ARSD: variants seen among roughly 807,000 people sequenced by gnomAD.
ARSD encodes the protein testis tissue sperm-binding protein Li 39a.
ARSD carries 21 observed loss-of-function variants against 32.6 expected under a neutral mutation model. The ratio of observed to expected loss-of-function variants is 0.64; its 90% CI spans 0.46 to 0.93. The LOEUF (loss-of-function observed/expected upper bound fraction) is 0.93. Among genes scored for constraint, ARSD ranks in the 40% least tolerant of loss-of-function variants. ARSD has a pLI of 0.00. For synonymous variants in ARSD, 224 were observed against 237.4 expected, an observed-to-expected ratio of 0.94 and a Z score of 0.52; for missense variants, 454 against 520.9, an observed-to-expected ratio of 0.87 and a Z score of 1.25.
chrX:2,929,151 G>T (rs1253675515), intron 1 of ARSD, 81 bp downstream of exon 1: 2 of 901,423 alleles, frequency 2.2e-6, no homozygotes, highest in Non-Finnish European at 2.8e-6. Context: ...CGCCCGGGGC[G>T]CCCCTCGCCG....
Position 2,910,739 on chromosome X carries a change from T to C in ARSD, c.1055A>G (p.Tyr352Cys), listed in dbSNP as rs2088894605. The change falls in exon 7 of 10, where the codon TAT becomes TGT. Residue 352 changes from tyrosine (Y) to cysteine (C), a missense_variant. Tyr to Cys is a radical substitution (Grantham distance 194). Coordinates refer to ENST00000381154, the MANE Select transcript of ARSD (RefSeq NM_001669.4). ...DNGLKNSTFT[Y>C]FTSDHGGHLE... ...ATGTCCTCCATGGTCAGAGGTGAAATACGTGAATGTTGAGTTCTTTAAACC... is the reference window on the plus strand; with the variant it reads ...ATGTCCTCCATGGTCAGAGGTGAAACACGTGAATGTTGAGTTCTTTAAACC... The C allele has an allele frequency of 8.3e-7, 1 of 1,210,071 alleles. No homozygotes were observed. The highest frequency in any genetic ancestry group is 1.1e-6 in the Non-Finnish European group (1 of 895,117).
intron 9 of ARSD, chrX:2,908,004 A>T: frequency 1.3e-6 from 1 of 775,864 alleles, no homozygotes; most frequent in South Asian, 6.7e-5. Flanking sequence ...AACAACCATG[A>T]TATTTTAAAC....
chrX:2,918,555 C>A (rs1043533456), intron 4 of ARSD, among the ~76,000 whole-genome samples: 4 of 110,529 alleles, frequency 3.6e-5, no homozygotes, highest in Non-Finnish European at 7.6e-5. Flanking sequence ...TCGAGACCAT[C>A]CTGGCTAACA....
At chrX:2,914,386 C>T (rs1369230265) in intron 6 of ARSD, 2 of 479,239 alleles carry the variant, frequency 4.2e-6, no homozygotes, top group Non-Finnish European at 5.4e-6. Flanking sequence ...GTGCACACCA[C>T]CATGGCTAAT....
chrX:2,920,379 T>TA, intron 4 of ARSD: 1 of 379,679 alleles, frequency 2.6e-6, no homozygotes, highest in Non-Finnish European at 4.5e-6. Context: ...TTTTTTTTTT[T>TA]TTATTCTTTG....
In ARSD at chrX:2,927,129, G is replaced by A. The variant is rs756719383; in HGVS notation, c.45-1364C>T. 6.1e-4 allele frequency among the ~76,000 whole-genome samples: 68 copies of A among 111,210 alleles called. 1 individual carries two copies. In the Admixed American group the frequency reaches 6.3e-3, roughly 10 times the overall value. On this transcript the variant is annotated intron_variant, in intron 1 of 9. Coordinates refer to ENST00000381154, the MANE Select transcript of ARSD (RefSeq NM_001669.4). ...GACGGGGCGTGTCTTGGAGGGTGGC[G>A]AGAGGCACGGCAGTGCTGCTGAGGC...
At chrX:2,909,028 A>G (rs2088879110) in intron 8 of ARSD, among the ~76,000 whole-genome samples, 186 bp from the exon 9 acceptor site, 1 of 110,824 alleles carries the variant, frequency 9.0e-6, no homozygotes. Flanking sequence ...TTCAAGACAC[A>G]GTGTCTCTAA....
rs942317260 is a variant in ARSD, at chrX:2,906,703, A to G, written c.*568T>C. The G allele has an allele frequency of 1.8e-5, 2 of 112,714 alleles. No individual in the cohort carries two copies. The highest frequency in any genetic ancestry group is 6.5e-5 in the African/African-American group (2 of 30,836). The allele number at this position is 112,714 out of a possible 1,213,427, so 9.3% of individuals were successfully genotyped here. A position where few individuals can be genotyped will look rare whatever the true frequency, so the allele number is the denominator to read the frequency against. On this transcript the variant is annotated 3_prime_UTR_variant, in exon 10 of 10. Transcript: ENST00000381154. ...GATGAAATTGCAACAATGCTTTAAG[A>G]CGGAGGGGTGAAAACATCGGGCATT... is the stretch of plus-strand genomic sequence containing the variant.
chrX:2,929,109 A>T, intron 1 of ARSD, 123 bp downstream of exon 1: 3 of 668,520 alleles, frequency 4.5e-6, no homozygotes, highest in Non-Finnish European at 5.9e-6. Context: ...AAGGCGCCGG[A>T]CACAACCACG....
chrX:2,925,054 G>C (rs184070035), intron 2 of ARSD, among the ~76,000 whole-genome samples: 4 of 112,574 alleles, frequency 3.6e-5, no homozygotes, highest in Admixed American at 2.8e-4. Flanking sequence ...CTGAAGTACC[G>C]GCGGTTAGGG....
intron 2 of ARSD, among the ~76,000 whole-genome samples, chrX:2,923,676 C>G (rs2089053631): frequency 9.0e-6 from 1 of 110,874 alleles, no homozygotes; most frequent in Non-Finnish European, 1.9e-5. Flanking sequence ...TTATAAGGAC[C>G]CCAGTCCTAT....
intron 1 of ARSD, among the ~76,000 whole-genome samples, chrX:2,928,096 G>A (rs1334035151): frequency 9.0e-6 from 1 of 110,965 alleles, no homozygotes; most frequent in Non-Finnish European, 1.9e-5. Context: ...TGGACAACTT[G>A]CAGTCACGAC....
chrX:2,919,471 G>T (rs1325829764), intron 4 of ARSD, among the ~76,000 whole-genome samples: 1 of 108,524 alleles, frequency 9.2e-6, no homozygotes, highest in African/African-American at 3.4e-5. Context: ...GTGCTTGGCG[G>T]CATAAACCAA....
intron 7 of ARSD, 61 bp from the exon 8 acceptor site, chrX:2,910,040 G>T: frequency 8.5e-7 from 1 of 1,181,802 alleles, no homozygotes; most frequent in South Asian, 1.9e-5. Context: ...ACACACATCT[G>T]GATGTATTTG....
At chrX:2,909,637 T>C (rs1324599655) in intron 8 of ARSD, among the ~76,000 whole-genome samples, 180 bp downstream of exon 8, 1 of 88,429 alleles carries the variant, frequency 1.1e-5, no homozygotes, top group Admixed American at 1.4e-4. Context: ...TGAGCCGAGA[T>C]CATGCCATTG....
chrX:2,924,421 G>T (rs1215914225), intron 2 of ARSD, among the ~76,000 whole-genome samples: 1 of 113,774 alleles, frequency 8.8e-6, no homozygotes, highest in Non-Finnish European at 1.9e-5. Flanking sequence ...GAGGTTGGCA[G>T]CTATTGAAAA....
chrX:2,920,463 C>T (rs1377404936), intron 4 of ARSD, 138 bp downstream of exon 4: 11 of 922,976 alleles, frequency 1.2e-5, no homozygotes, highest in South Asian at 6.6e-5. Context: ...CTCCGCTTCC[C>T]GGGTTCAAGC....
intron 4 of ARSD, chrX:2,920,366 C>CTTT (rs1259982212): frequency 1.9e-5 from 6 of 320,576 alleles, no homozygotes; most frequent in African/African-American, 5.8e-5. Flanking sequence ...AAAACGGGAT[C>CTTT]TTTTTTTTTT....
intron 6 of ARSD, chrX:2,913,518 C>T (rs764301993): frequency 9.3e-6 from 9 of 970,082 alleles, no homozygotes; most frequent in Middle Eastern, 3.2e-4. Flanking sequence ...GAACCAATCC[C>T]GCCCTATCAC....
Sources: allele counts gnomAD v4.1 joint callset (sites outside exome capture counted in the v4.1 genomes callset), GRCh38; gene constraint gnomAD v4.1.1; transcripts MANE v1.5; gene names NCBI Gene and HGNC (gene_info 2026-07-23, HGNC 2026-07-21).